ASAP2: variants seen among roughly 807,000 people sequenced by gnomAD.
The protein encoded by ASAP2 is ArfGAP with SH3 domain, ankyrin repeat and PH domain 2.
ASAP2 carries 45 observed loss-of-function variants against 131.4 expected under a neutral mutation model. The observed-to-expected ratio is 0.34, with a 90% CI of 0.27 to 0.44. The LOEUF (loss-of-function observed/expected upper bound fraction) is 0.44. Ranked by LOEUF, ASAP2 falls within the 20% of genes least tolerant of loss-of-function variation. ASAP2 has a pLI of 1.00. For synonymous variants in ASAP2, 510 were observed against 503.0 expected (o/e 1.01, Z -0.19); for missense variants, 1,011 against 1,297.0 (o/e 0.78, Z 3.39).
chr2:9,344,707 T>TA, intron 10 of ASAP2, 24 bp from the exon 11 acceptor site: 1 of 1,613,752 alleles, frequency 6.2e-7, no homozygotes, highest in Non-Finnish European at 8.5e-7. Context: ...TAAACTCTTA[T>TA]TGTTTCTCCC....
At chr2:9,340,518 T>A (rs1460790892) in intron 9 of ASAP2, among the ~76,000 whole-genome samples, 1 of 152,236 alleles carries the variant, frequency 6.6e-6, no homozygotes, top group Non-Finnish European at 1.5e-5. Flanking sequence ...AGACCATGGC[T>A]CAGTGCTTGG....
chr2:9,211,777 G>A (rs570578847), intron 1 of ASAP2, among the ~76,000 whole-genome samples: 47 of 152,306 alleles, frequency 3.1e-4, no homozygotes, highest in African/African-American at 1.0e-3. Flanking sequence ...CCAGGGCTAC[G>A]TGCTTTTTGG....
At chr2:9,226,396 G>A (rs1181914525) in intron 1 of ASAP2, among the ~76,000 whole-genome samples, 3 of 152,198 alleles carry the variant, frequency 2.0e-5, no homozygotes, top group Non-Finnish European at 2.9e-5. Flanking sequence ...AGGCCATGCA[G>A]AACTCGGCAT....
intron 2 of ASAP2, among the ~76,000 whole-genome samples, chr2:9,285,882 C>G (rs528989575): frequency 6.6e-6 from 1 of 152,186 alleles, no homozygotes; most frequent in African/African-American, 2.4e-5. Flanking sequence ...CTGATTTTCC[C>G]TCAAATCCTT....
chr2:9,224,361 GGTATTAC>G (rs1194180630), intron 1 of ASAP2, among the ~76,000 whole-genome samples: 14 of 152,150 alleles, frequency 9.2e-5, no homozygotes, highest in Admixed American at 6.5e-5. Context: ...GTTGGGACTA[GGTATTAC>G]TTCTCTTTGA....
intron 11 of ASAP2, among the ~76,000 whole-genome samples, chr2:9,348,990 C>G (rs528335513): frequency 6.6e-6 from 1 of 152,110 alleles, no homozygotes; most frequent in African/African-American, 2.4e-5. Flanking sequence ...CTAGCTTCCC[C>G]GCTCCCTAGC....
intron 3 of ASAP2, among the ~76,000 whole-genome samples, chr2:9,313,842 C>T (rs571919813): frequency 5.9e-5 from 9 of 152,288 alleles, no homozygotes; most frequent in Admixed American, 5.9e-4. Flanking sequence ...TCTCACCTTT[C>T]ATCAATGAGG....
intron 15 of ASAP2, among the ~76,000 whole-genome samples, chr2:9,367,270 C>T (rs965473929): frequency 4.0e-5 from 6 of 151,660 alleles, no homozygotes; most frequent in African/African-American, 9.7e-5. Flanking sequence ...TGAGCTCAGC[C>T]GATCCACCCG....
chr2:9,347,686 G>T (rs1174454492), intron 11 of ASAP2, among the ~76,000 whole-genome samples: 1 of 152,192 alleles, frequency 6.6e-6, no homozygotes, highest in Non-Finnish European at 1.5e-5. Flanking sequence ...AGCCAAGTCT[G>T]TTTTCTGGCC....
intron 12 of ASAP2, among the ~76,000 whole-genome samples, chr2:9,352,496 A>G (rs1672420881): frequency 6.6e-6 from 1 of 152,118 alleles, no homozygotes; most frequent in Non-Finnish European, 1.5e-5. Context: ...TCTTCCCTCA[A>G]CTGCCCTAGG....
chr2:9,388,644 G>T (rs1309637907), intron 22 of ASAP2, 98 bp downstream of exon 22: 5 of 1,483,102 alleles, frequency 3.4e-6, no homozygotes, highest in Non-Finnish European at 4.5e-6. Context: ...GTGACCTTTG[G>T]GCTCTTTTGT....
chr2:9,350,229 T>G (rs1438174205), intron 11 of ASAP2, among the ~76,000 whole-genome samples: 2 of 152,146 alleles, frequency 1.3e-5, no homozygotes, highest in Admixed American at 6.5e-5. Flanking sequence ...GGGTTACAGA[T>G]GTGAATGAAG....
chr2:9,404,662 A>G lies in ASAP2; in HGVS notation c.*1335A>G, dbSNP rs1202009448. On this transcript the variant is annotated 3_prime_UTR_variant, in exon 28 of 28. Coordinates refer to ENST00000281419, the MANE Select transcript of ASAP2 (RefSeq NM_003887.3). ...TATAGGCTTGGAAAGTGAGGCAGCA[A>G]TGCTGTTAACTGCATTTGTTGTGAT... 6.6e-6 allele frequency: 1 copy of G among 152,536 alleles called. No individual in the cohort carries two copies. The highest frequency in any genetic ancestry group is 1.5e-5 in the Non-Finnish European group (1 of 68,018). 9.4% of individuals were successfully genotyped at this position (152,536 alleles called of 1,614,324 possible).
chr2:9,365,107 T>C (rs1198890713), intron 15 of ASAP2, among the ~76,000 whole-genome samples: 2 of 152,244 alleles, frequency 1.3e-5, no homozygotes, highest in Admixed American at 6.5e-5. Flanking sequence ...ATACATACTT[T>C]GTAAACTACA....
At chr2:9,400,712 G>A (rs1183895872) in intron 25 of ASAP2, 30 bp from the exon 26 acceptor site, 5 of 1,571,352 alleles carry the variant, frequency 3.2e-6, no homozygotes, top group Admixed American at 3.3e-5. Flanking sequence ...TTGATGGGAT[G>A]TCTTAAGCTG....
At chr2:9,328,516 T>C (rs1324414720) in intron 7 of ASAP2, among the ~76,000 whole-genome samples, 1 of 152,246 alleles carries the variant, frequency 6.6e-6, no homozygotes, top group East Asian at 1.9e-4. Flanking sequence ...AATGCAGTGT[T>C]TTAAAATAAG....
chr2:9,387,076 G>GC lies in ASAP2; in HGVS notation c.2131-1218_2131-1217insC, dbSNP rs1407861282. On this transcript the variant is annotated intron_variant, in intron 21 of 27. Transcript: ENST00000281419. ...AAAAAATTAGCCGGGCTTGGTGGTG[G>GC]GTGGGGGGGCGCCTGTAGTCCCAGC... Among the ~76,000 whole-genome samples, 126 of 126,020 alleles carry GC rather than the reference G, an allele frequency of 1.0e-3. 3 individuals carry two copies. The highest frequency in any genetic ancestry group is 5.3e-3 in the African/African-American group (105 of 19,660). 82.7% of individuals were successfully genotyped at this position (126,020 alleles called of 152,430 possible).
At chr2:9,308,934 G>A (rs977208542) in intron 3 of ASAP2, among the ~76,000 whole-genome samples, 1 of 152,144 alleles carries the variant, frequency 6.6e-6, no homozygotes, top group African/African-American at 2.4e-5. Flanking sequence ...CTTTCTGCCT[G>A]GATACCCGTT....
intron 1 of ASAP2, among the ~76,000 whole-genome samples, chr2:9,211,595 C>T (rs1461909972): frequency 6.6e-6 from 1 of 152,134 alleles, no homozygotes; most frequent in Non-Finnish European, 1.5e-5. Flanking sequence ...TAATCTACTT[C>T]CTTCCGGGGC....
Sources: gnomAD v4.1 joint callset for allele counts (sites outside exome capture counted in the v4.1 genomes callset) on GRCh38, gnomAD v4.1.1 for gene constraint, MANE v1.5 for transcripts, NCBI Gene and HGNC (gene_info 2026-07-23, HGNC 2026-07-21) for gene names.